GDA: variants seen among roughly 807,000 people sequenced by gnomAD.
GDA encodes the protein guanine deaminase.
Under a neutral mutation model 59.6 loss-of-function variants are expected in GDA, and 18 were observed. The observed-to-expected ratio is 0.30, with a 90% confidence interval of 0.21 to 0.45. The LOEUF (loss-of-function observed/expected upper bound fraction) is 0.45, where lower values mean the gene tolerates loss of function less well. Ranked by LOEUF, GDA falls within the 20% of genes least tolerant of loss-of-function variation. The probability of loss-of-function intolerance (pLI) is 1.00; values close to 1 mark genes in which losing one functional copy is unlikely to be tolerated. For missense variants in GDA, 427 were observed against 552.3 expected (o/e 0.77, Z 2.27); for synonymous variants, 201 against 201.1 (o/e 1.00, Z 0.00).
At chr9:72,241,557 T>C (rs1164902069) in intron 11 of GDA, among the ~76,000 whole-genome samples, 1 of 152,164 alleles carries the variant, frequency 6.6e-6, no homozygotes, top group Non-Finnish European at 1.5e-5. Flanking sequence ...GGGTATTACA[T>C]TGGTTACATG....
At position 72,178,724 on chromosome 9, in the gene GDA, C is replaced by T. The variant is rs1331127638; in HGVS notation, c.124-16776C>T. 7.9e-5 allele frequency among the ~76,000 whole-genome samples: 12 copies of T among 152,134 alleles called. No individual in the cohort carries two copies. In the East Asian group the frequency reaches 1.6e-3, roughly 20 times the overall value. On this transcript the variant is annotated intron_variant, in intron 1 of 13. Coordinates refer to ENST00000358399, the MANE Select transcript of GDA (RefSeq NM_004293.5). ...TGAGCCACCGTACCCAGCCTGGAAT[C>T]GATTTTTATGGGCGACTGTTCTGTG...
At chr9:72,121,875 T>C (rs1364872605) in intron 1 of GDA, among the ~76,000 whole-genome samples, 1 of 152,208 alleles carries the variant, frequency 6.6e-6, no homozygotes, top group Non-Finnish European at 1.5e-5. Flanking sequence ...TTTAATAACT[T>C]GACTTAGAGC....
chr9:72,176,904 C>T (rs983381634), intron 1 of GDA, among the ~76,000 whole-genome samples: 25 of 152,194 alleles, frequency 1.6e-4, no homozygotes, highest in African/African-American at 5.8e-4. Flanking sequence ...CATTCTGATT[C>T]AGTTTATCCT....
chr9:72,205,793 A>C (rs986958604), intron 3 of GDA, among the ~76,000 whole-genome samples: 1 of 152,216 alleles, frequency 6.6e-6, no homozygotes, highest in African/African-American at 2.4e-5. Context: ...GTTGAGAAGC[A>C]TGCTCAGGCC....
At chr9:72,128,898 A>C (rs1419007716) in intron 1 of GDA, among the ~76,000 whole-genome samples, 1 of 149,742 alleles carries the variant, frequency 6.7e-6, no homozygotes. Context: ...TTTTTTTTTT[A>C]GGGTGTCTGA....
At chr9:72,187,373 G>T (rs1831988470) in intron 1 of GDA, among the ~76,000 whole-genome samples, 1 of 152,152 alleles carries the variant, frequency 6.6e-6, no homozygotes, top group Admixed American at 6.5e-5. Context: ...AAATGACTCT[G>T]GCCTCGAGTG....
intron 2 of GDA, among the ~76,000 whole-genome samples, chr9:72,196,873 G>C (rs1405395581): frequency 6.6e-6 from 1 of 151,914 alleles, no homozygotes. Context: ...TTAGTTTGCT[G>C]AAAGTCATGG....
At chr9:72,195,389 C>A in intron 1 of GDA, 111 bp from the exon 2 acceptor site, 10 of 192,234 alleles carry the variant, frequency 5.2e-5, no homozygotes, top group East Asian at 1.3e-4. Flanking sequence ...GTATCAAATA[C>A]CTTTTAACTC....
intron 1 of GDA, among the ~76,000 whole-genome samples, chr9:72,127,615 C>T (rs1302453609): frequency 4.2e-5 from 6 of 143,842 alleles, no homozygotes; most frequent in African/African-American, 7.8e-5. Flanking sequence ...CCAGCCTGGG[C>T]GACAGAGAGA....
intron 1 of GDA, among the ~76,000 whole-genome samples, chr9:72,191,442 A>C (rs923930851): frequency 1.3e-5 from 2 of 152,160 alleles, no homozygotes; most frequent in Non-Finnish European, 2.9e-5. Context: ...TGGACTGGGC[A>C]AAAGTACAGG....
intron 3 of GDA, among the ~76,000 whole-genome samples, chr9:72,203,688 C>T (rs1834299854): frequency 6.6e-6 from 1 of 152,214 alleles, no homozygotes; most frequent in African/African-American, 2.4e-5. Flanking sequence ...ATTGATTCCT[C>T]CTAAGGTGTT....
At chr9:72,125,291 C>G (rs1825805253) in intron 1 of GDA, among the ~76,000 whole-genome samples, 2 of 151,822 alleles carry the variant, frequency 1.3e-5, no homozygotes, top group Non-Finnish European at 2.9e-5. Flanking sequence ...TCCTTCATTC[C>G]TTCCTTTCTT....
At chr9:72,116,596 A>C (rs1370251802) in intron 1 of GDA, among the ~76,000 whole-genome samples, 1 of 151,982 alleles carries the variant, frequency 6.6e-6, no homozygotes, top group Non-Finnish European at 1.5e-5. Flanking sequence ...TTGGTTGGCC[A>C]GGATGGTCTC....
In GDA at chr9:72,247,677, C is replaced by G. The variant is rs866743327; in HGVS notation, c.1294+244C>G. Among the ~76,000 whole-genome samples, 4 of 152,172 alleles carry G rather than the reference C, an allele frequency of 2.6e-5. No individual in the cohort carries two copies. The Middle Eastern group carries it at 0.01, about 388-fold the overall frequency. ...AATTCTAAGCTGAGGAATGGAAGGC[C>G]AAAGGTGAAGAGATCTTCATGTTCA... On this transcript the variant is annotated intron_variant, in intron 13 of 13. Transcript: ENST00000358399.
upstream of GDA, among the ~76,000 whole-genome samples, chr9:72,148,259 G>T (rs1196510088): frequency 6.6e-6 from 1 of 151,534 alleles, no homozygotes; most frequent in African/African-American, 2.4e-5. Flanking sequence ...ATTGTTCTAG[G>T]CATAAGACAC....
chr9:72,136,505 TA>T (rs1826229278), intron 1 of GDA, among the ~76,000 whole-genome samples: 2 of 152,248 alleles, frequency 1.3e-5, no homozygotes, highest in Admixed American at 6.5e-5. Context: ...TAAATTGCCT[TA>T]AAAAATAGTA....
chr9:72,231,537 C>T (rs866652385), intron 10 of GDA, among the ~76,000 whole-genome samples: 2 of 149,220 alleles, frequency 1.3e-5, no homozygotes, highest in African/African-American at 5.0e-5. Flanking sequence ...TGCACTTCAG[C>T]GTGGGTGACA....
intron 1 of GDA, among the ~76,000 whole-genome samples, chr9:72,119,317 C>T (rs2130567231): frequency 1.3e-5 from 2 of 152,224 alleles, no homozygotes; most frequent in South Asian, 4.1e-4. Context: ...CCAGCCTGGC[C>T]AACATGGCAA....
chr9:72,215,320 A>C (rs1312821941), intron 5 of GDA, among the ~76,000 whole-genome samples: 1 of 120,474 alleles, frequency 8.3e-6, no homozygotes, highest in East Asian at 2.5e-4. Context: ...AGAAACACAA[A>C]AAGGTATAAA....
Sources: gnomAD v4.1 joint callset for allele counts (sites outside exome capture counted in the v4.1 genomes callset) on GRCh38, gnomAD v4.1.1 for gene constraint, MANE v1.5 for transcripts, NCBI Gene and HGNC (gene_info 2026-07-23, HGNC 2026-07-21) for gene names.